The following PRKCH variants were observed in gnomAD, a reference collection of about 807,000 sequenced individuals.
The protein encoded by PRKCH is protein kinase C eta type.
PRKCH carries 28 observed loss-of-function variants against 82.5 expected under a neutral mutation model. The ratio of observed to expected loss-of-function variants is 0.34; its 90% CI spans 0.25 to 0.47. PRKCH has a LOEUF of 0.47. PRKCH is among the 20% of genes least tolerant of loss of function. PRKCH has a pLI of 1.00. For synonymous variants in PRKCH, 322 were observed against 327.4 expected, an observed-to-expected ratio of 0.98 and a Z score of 0.18; for missense variants, 705 against 881.8, an observed-to-expected ratio of 0.80 and a Z score of 2.54.
intron 10 of PRKCH, among the ~76,000 whole-genome samples, chr14:61,515,169 G>A (rs1439263050): frequency 3.3e-5 from 5 of 152,208 alleles, no homozygotes; most frequent in African/African-American, 1.2e-4. Flanking sequence ...CAATAGACAG[G>A]GAGGGGGTGA....
chr14:61,310,035 C>A (rs2045510218), intron 1 of PRKCH, among the ~76,000 whole-genome samples: 1 of 152,106 alleles, frequency 6.6e-6, no homozygotes, highest in African/African-American at 2.4e-5. Flanking sequence ...GGGAACCGCC[C>A]CCCCTCCGTG....
chr14:61,423,668 G>A (rs1488919111), intron 2 of PRKCH, among the ~76,000 whole-genome samples: 1 of 152,166 alleles, frequency 6.6e-6, no homozygotes, highest in Non-Finnish European at 1.5e-5. Flanking sequence ...GTTTGTTTGT[G>A]TAGGGGAGTG....
At chr14:61,515,830 T>C (rs1297103403) in intron 10 of PRKCH, among the ~76,000 whole-genome samples, 1 of 152,212 alleles carries the variant, frequency 6.6e-6, no homozygotes, top group Non-Finnish European at 1.5e-5. Flanking sequence ...ATCATGACAG[T>C]AGGCCATGTA....
At chr14:61,397,953 GTC>G (rs1407375810) in intron 2 of PRKCH, among the ~76,000 whole-genome samples, 1 of 152,192 alleles carries the variant, frequency 6.6e-6, no homozygotes, top group Non-Finnish European at 1.5e-5. Context: ...CTTTGTGGAA[GTC>G]TCTCACAGAG....
chr14:61,326,297 T>G (rs1376319714), intron 1 of PRKCH, among the ~76,000 whole-genome samples: 2 of 152,140 alleles, frequency 1.3e-5, no homozygotes, highest in Non-Finnish European at 2.9e-5. Flanking sequence ...ACAACAGGAA[T>G]GAATCTCAGA....
chr14:61,540,207 C>T (rs2043164801), intron 12 of PRKCH, among the ~76,000 whole-genome samples: 1 of 152,200 alleles, frequency 6.6e-6, no homozygotes, highest in African/African-American at 2.4e-5. Flanking sequence ...ATGTACTTCT[C>T]AGCCCTTCTC....
At chr14:61,503,485 C>T (rs977041689) in intron 10 of PRKCH, among the ~76,000 whole-genome samples, 2 of 152,160 alleles carry the variant, frequency 1.3e-5, no homozygotes, top group African/African-American at 2.4e-5. Context: ...CTCAACAGAG[C>T]TTGAGCGTTG....
chr14:61,461,566 G>C (rs75021776), intron 9 of PRKCH, among the ~76,000 whole-genome samples: 13,088 of 152,226 alleles, frequency 0.086, 1,120 homozygotes, highest in African/African-American at 0.22. Context: ...GAGTCAAGCA[G>C]TCAACTGATA....
rs555643600 is a variant in PRKCH at position 61,311,851 on chromosome 14, G to A, written c.-19+124183G>A. Among the ~76,000 whole-genome samples the A allele has an allele frequency of 9.2e-5, 14 of 152,306 alleles. No homozygotes were observed. In the South Asian group the frequency reaches 2.9e-3, roughly 32 times the overall value. Reference sequence around the variant, plus strand: ...TGCACCAATCTAATACAATTATGGTGGAAGAGGAAGCAAGCAAGTTCATCC... The same window carrying A: ...TGCACCAATCTAATACAATTATGGTAGAAGAGGAAGCAAGCAAGTTCATCC... On this transcript the variant is annotated intron_variant, in intron 1 of 3. Transcript: ENST00000555185.
chr14:61,447,498 C>T (rs922352261), intron 4 of PRKCH, among the ~76,000 whole-genome samples: 3 of 152,152 alleles, frequency 2.0e-5, no homozygotes, highest in Admixed American at 6.5e-5. Context: ...ACATTCTTCT[C>T]GGGCTCACAG....
chr14:61,453,686 C>G (rs577325756), intron 7 of PRKCH, among the ~76,000 whole-genome samples: 3 of 151,240 alleles, frequency 2.0e-5, no homozygotes, highest in African/African-American at 7.3e-5. Context: ...TGGGGTCTTC[C>G]TCTGTCACCC....
chr14:61,386,479 C>T (rs771737231), intron 1 of PRKCH, among the ~76,000 whole-genome samples: 1 of 152,012 alleles, frequency 6.6e-6, no homozygotes, highest in Non-Finnish European at 1.5e-5. Flanking sequence ...GGAGAGACTT[C>T]GAGAGTGGAC....
chr14:61,476,745 C>T (rs1390311274), intron 9 of PRKCH, among the ~76,000 whole-genome samples: 4 of 152,144 alleles, frequency 2.6e-5, no homozygotes, highest in African/African-American at 9.7e-5. Flanking sequence ...CATATTTCAC[C>T]TTCCCAAAGA....
intron 1 of PRKCH, among the ~76,000 whole-genome samples, chr14:61,213,810 A>G (rs74054762): frequency 0.04 from 6,048 of 152,276 alleles, 377 homozygotes; most frequent in African/African-American, 0.13. Flanking sequence ...TGTAACCATC[A>G]TTGTTGGAAT....
At chr14:61,521,915 A>C (rs1170556182) in intron 10 of PRKCH, among the ~76,000 whole-genome samples, 1 of 152,188 alleles carries the variant, frequency 6.6e-6, no homozygotes, top group East Asian at 1.9e-4. Context: ...CCCAAGGCTC[A>C]GTCCCAGGCT....
chr14:61,495,733 A>C (rs1044269859), intron 10 of PRKCH, among the ~76,000 whole-genome samples: 1 of 152,190 alleles, frequency 6.6e-6, no homozygotes, highest in African/African-American at 2.4e-5. Flanking sequence ...CTCTGGAAAA[A>C]TACAGGAAAT....
chr14:61,453,088 A>T, intron 6 of PRKCH, 138 bp from the exon 7 acceptor site: 1 of 1,111,756 alleles, frequency 9.0e-7, no homozygotes, highest in Non-Finnish European at 1.3e-6. Context: ...GTGTGAGCTT[A>T]ATTTTATGAG....
chr14:61,414,421 C>T (rs1334049611), intron 2 of PRKCH, among the ~76,000 whole-genome samples: 1 of 151,626 alleles, frequency 6.6e-6, no homozygotes, highest in East Asian at 1.9e-4. Flanking sequence ...TACAGGTGCC[C>T]ACCCTCATGC....
At chr14:61,520,242 T>C (rs1448575267) in intron 10 of PRKCH, among the ~76,000 whole-genome samples, 1 of 152,196 alleles carries the variant, frequency 6.6e-6, no homozygotes, top group East Asian at 1.9e-4. Context: ...TAGACTTTTA[T>C]GTTTTTCCTC....
Sources: gnomAD v4.1 joint callset for allele counts (sites outside exome capture counted in the v4.1 genomes callset) on GRCh38, gnomAD v4.1.1 for gene constraint, MANE v1.5 for transcripts, NCBI Gene and HGNC (gene_info 2026-07-23, HGNC 2026-07-21) for gene names.